The following RMDN2 variants were observed in gnomAD, a reference collection of about 807,000 sequenced individuals.
RMDN2 encodes the protein regulator of microtubule dynamics protein 2.
In RMDN2, 61 loss-of-function variants were observed where a neutral mutation model predicts 52.8. The observed-to-expected ratio is 1.16, with a 90% confidence interval of 0.94 to 1.43. The LOEUF is 1.43. Ranked by LOEUF, RMDN2 falls within the 40% of genes most tolerant of loss-of-function variation. The pLI, the probability that RMDN2 is intolerant of heterozygous loss-of-function variation, is 0.00. For missense variants in RMDN2, 592 were observed against 475.3 expected, an observed-to-expected ratio of 1.25 and a Z score of -2.28; for synonymous variants, 180 against 153.1, an observed-to-expected ratio of 1.18 and a Z score of -1.30.
chr2:37,926,954 A>G (rs997261954), intron 1 of RMDN2, among the ~76,000 whole-genome samples: 8 of 152,112 alleles, frequency 5.3e-5, no homozygotes, highest in Non-Finnish European at 1.0e-4. Context: ...TATGTAAATG[A>G]CTTCATACAA....
At chr2:37,926,271 G>A (rs1466757330) in intron 1 of RMDN2, among the ~76,000 whole-genome samples, 1 of 152,190 alleles carries the variant, frequency 6.6e-6, no homozygotes, top group Non-Finnish European at 1.5e-5. Context: ...ATTTAGTAAA[G>A]CATAATTTCT....
chr2:38,005,033 A>C (rs1023648281), intron 10 of RMDN2, among the ~76,000 whole-genome samples: 6 of 152,080 alleles, frequency 3.9e-5, no homozygotes, highest in East Asian at 1.9e-4. Context: ...TGAACTCATC[A>C]TTTTTTATGG....
intron 10 of RMDN2, among the ~76,000 whole-genome samples, chr2:38,038,570 A>G (rs911043226): frequency 2.6e-5 from 4 of 152,166 alleles, no homozygotes; most frequent in African/African-American, 7.2e-5. Context: ...TCAGCTTTTT[A>G]AGGCATGGTT....
chr2:38,011,488 A>T (rs1165278804), intron 10 of RMDN2, among the ~76,000 whole-genome samples: 1 of 151,920 alleles, frequency 6.6e-6, no homozygotes, highest in African/African-American at 2.4e-5. Context: ...AGTAAAAAAA[A>T]CCCTCCTCTT....
At chr2:37,944,770 T>C (rs1668084842) in intron 2 of RMDN2, among the ~76,000 whole-genome samples, 1 of 152,138 alleles carries the variant, frequency 6.6e-6, no homozygotes, top group Non-Finnish European at 1.5e-5. Flanking sequence ...AAGGAGGTTG[T>C]GTAATTAAGA....
chr2:37,972,895 A>G (rs896297327), intron 2 of RMDN2, among the ~76,000 whole-genome samples: 36 of 152,238 alleles, frequency 2.4e-4, no homozygotes, highest in African/African-American at 8.0e-4. Context: ...AAAGAATGTT[A>G]TTGAAGAAGT....
At chr2:38,057,415 T>C (rs567815237) in intron 10 of RMDN2, among the ~76,000 whole-genome samples, 1 of 152,358 alleles carries the variant, frequency 6.6e-6, no homozygotes, top group Non-Finnish European at 1.5e-5. Flanking sequence ...CCTCTTTTGA[T>C]TTCTTTCTAC....
At chr2:38,053,239 A>G (rs1423066753) in intron 10 of RMDN2, among the ~76,000 whole-genome samples, 1 of 152,228 alleles carries the variant, frequency 6.6e-6, no homozygotes, top group Non-Finnish European at 1.5e-5. Flanking sequence ...CTGTCTAAAT[A>G]TAATTGCCAA....
At chr2:38,027,297 T>C (rs1679848573) in intron 10 of RMDN2, 2 of 152,200 alleles carry the variant, frequency 1.3e-5, no homozygotes, top group South Asian at 4.2e-4. Context: ...TTGTTACCCA[T>C]CTCTCAGGGG....
rs769141718 is a variant in RMDN2 at position 37,974,099 on chromosome 2, A to T, written c.512A>T (p.Asn171Ile). ...AGTTTTCCAGTCCCTAAGGCATTTA[A>T]CACACGTGTAGAGGAATTAAATTTA... ...EQSFPVPKAFNTRVEELNLDV... is the reference protein window; with the variant it reads ...EQSFPVPKAFITRVEELNLDV... Residue 171 changes from asparagine (N) to isoleucine (I), a missense_variant, in exon 3 of 11, where the codon AAC (asparagine) becomes ATC (isoleucine). By Grantham distance (149) the Asn-to-Ile change is moderately radical (BLOSUM62 -3). Transcript: ENST00000354545. 17 of 1,613,164 alleles carry T rather than the reference A, an allele frequency of 1.1e-5. No homozygotes were observed. Among genetic ancestry groups the T allele is most frequent in the Middle Eastern group, 1.6e-4 (1 of 6,084 alleles).
chr2:38,059,147 T>A (rs1054592017), intron 10 of RMDN2, among the ~76,000 whole-genome samples: 2 of 152,222 alleles, frequency 1.3e-5, no homozygotes, highest in African/African-American at 4.8e-5. Flanking sequence ...GTAGCCACTA[T>A]CCCCATGTGG....
rs899550789 is a variant in RMDN2, at chr2:37,981,678, A to G, written c.791+335A>G. Among the ~76,000 whole-genome samples the G allele has an allele frequency of 5.3e-5, 8 of 152,324 alleles. No individual in the cohort carries two copies. In the East Asian group the frequency reaches 1.5e-3, roughly 29 times the overall value. On this transcript the variant is annotated intron_variant, in intron 5 of 10. Transcript: ENST00000354545. ...AAAATGATAGCATGTTTCTAAATGA[A>G]ATGTAGAAAAGCACATCAACCATTT...
At chr2:37,994,711 G>A (rs567320562) in intron 7 of RMDN2, among the ~76,000 whole-genome samples, 2 of 152,104 alleles carry the variant, frequency 1.3e-5, no homozygotes, top group African/African-American at 2.4e-5. Flanking sequence ...GTACCAGCGA[G>A]GATATAGAGC....
intron 4 of RMDN2, 98 bp downstream of exon 4, chr2:37,975,412 A>G (rs1438957608): frequency 8.8e-6 from 6 of 683,468 alleles, no homozygotes; most frequent in African/African-American, 7.3e-5. Context: ...TTGCAGGGAC[A>G]TGGATGAAGC....
chr2:38,063,066 C>T (rs1367340899), intron 10 of RMDN2, among the ~76,000 whole-genome samples: 1 of 152,094 alleles, frequency 6.6e-6, no homozygotes, highest in Non-Finnish European at 1.5e-5. Flanking sequence ...TGAATAGTGC[C>T]ACTATAAACA....
At chr2:37,960,750 T>G (rs1670109944) in intron 2 of RMDN2, among the ~76,000 whole-genome samples, 1 of 152,246 alleles carries the variant, frequency 6.6e-6, no homozygotes, top group Admixed American at 6.5e-5. Context: ...AGCTGGTTAT[T>G]TTGCACATTA....
At chr2:37,940,244 G>A (rs765292628) in intron 2 of RMDN2, among the ~76,000 whole-genome samples, 1 of 152,214 alleles carries the variant, frequency 6.6e-6, no homozygotes, top group Non-Finnish European at 1.5e-5. Flanking sequence ...TTTGTGCAGA[G>A]AGATTTCCTG....
At chr2:38,001,246 A>C (rs893100053) in intron 8 of RMDN2, among the ~76,000 whole-genome samples, 1 of 152,244 alleles carries the variant, frequency 6.6e-6, no homozygotes, top group Non-Finnish European at 1.5e-5. Flanking sequence ...AGAAATGACC[A>C]ACAAAGTTCC....
At chr2:38,010,645 C>A (rs1677843299) in intron 10 of RMDN2, among the ~76,000 whole-genome samples, 1 of 152,210 alleles carries the variant, frequency 6.6e-6, no homozygotes, top group African/African-American at 2.4e-5. Flanking sequence ...AATTCCCTTA[C>A]CCTTTGCACT....
Sources: allele counts gnomAD v4.1 joint callset (sites outside exome capture counted in the v4.1 genomes callset), GRCh38; gene constraint gnomAD v4.1.1; transcripts MANE v1.5; gene names NCBI Gene and HGNC (gene_info 2026-07-23, HGNC 2026-07-21).